Variants in UBR2 observed in about 807,000 individuals in gnomAD.
The protein encoded by UBR2 is E3 ubiquitin-protein ligase UBR2.
In UBR2, 92 loss-of-function variants were observed where a neutral mutation model predicts 247.9. That is an observed-to-expected ratio of 0.37 (90% CI 0.31 to 0.44). UBR2 has a LOEUF of 0.44. UBR2 is among the 20% of genes least tolerant of loss of function. The pLI is 1.00. For missense variants in UBR2, 1,613 were observed against 2,112.6 expected (o/e 0.76, Z 4.64); for synonymous variants, 672 against 693.5 (o/e 0.97, Z 0.49).
chr6:42,601,698 A>G (rs979114779), intron 4 of UBR2, among the ~76,000 whole-genome samples: 1 of 151,124 alleles, frequency 6.6e-6, no homozygotes, highest in Non-Finnish European at 1.5e-5. Context: ...CAAAAAAAAA[A>G]AAAAAAACCT....
At chr6:42,636,664 T>C (rs1041502282) in intron 14 of UBR2, among the ~76,000 whole-genome samples, 4 of 152,124 alleles carry the variant, frequency 2.6e-5, no homozygotes, top group African/African-American at 4.8e-5. Context: ...AGGAATTTAA[T>C]AGAGAGACGC....
chr6:42,575,060 A>G (rs1358744687), intron 2 of UBR2, among the ~76,000 whole-genome samples: 2 of 152,226 alleles, frequency 1.3e-5, no homozygotes, highest in Admixed American at 6.5e-5. Context: ...ACCTACATAC[A>G]TAAATACAGA....
At chr6:42,588,795 G>A (rs1346878098) in intron 2 of UBR2, among the ~76,000 whole-genome samples, 3 of 152,112 alleles carry the variant, frequency 2.0e-5, no homozygotes, top group South Asian at 2.1e-4. Flanking sequence ...GGTCTTTCTG[G>A]TAACTGGCCC....
intron 43 of UBR2, 81 bp from the exon 44 acceptor site, chr6:42,684,713 G>C (rs1799272867): frequency 1.1e-5 from 11 of 991,002 alleles, no homozygotes; most frequent in Middle Eastern, 5.4e-4. Context: ...GGGCTAGGCA[G>C]GTATGTGCAC....
intron 1 of UBR2, among the ~76,000 whole-genome samples, chr6:42,572,070 T>A (rs1185603748): frequency 1.3e-5 from 2 of 152,162 alleles, no homozygotes; most frequent in African/African-American, 4.8e-5. Flanking sequence ...TTTTATTTTT[T>A]TTTCCCTAAC....
chr6:42,682,484 G>A (rs890305453), intron 42 of UBR2, among the ~76,000 whole-genome samples: 6 of 151,684 alleles, frequency 4.0e-5, no homozygotes, highest in Admixed American at 3.9e-4. Flanking sequence ...AGGCTTGAGT[G>A]CACTGGCACA....
rs990085372 is a variant in UBR2 at position 42,637,211 on chromosome 6, A to G, written c.1858+17A>G. On this transcript the variant is annotated intron_variant, in intron 15 of 46. Coordinates refer to ENST00000372901, the MANE Select transcript of UBR2 (RefSeq NM_001363705.2). ...TACTTGCAGGTAAAGCATTTCCCCT[A>G]AAATAAAACCCTAAAATTATCTTTT... The G allele has an allele frequency of 1.2e-6, 2 of 1,600,172 alleles. No individual in the cohort carries two copies. The highest frequency in any genetic ancestry group is 1.1e-5 in the South Asian group (1 of 89,490).
At chr6:42,614,404 G>GTATATATGTACGTACATACATACGCATA (rs372482129) in intron 8 of UBR2, among the ~76,000 whole-genome samples, 1 of 114,684 alleles carries the variant, frequency 8.7e-6, no homozygotes, top group African/African-American at 3.5e-5. Context: ...ACATACATAC[G>GTATATATGTACGTACATACATACGCATA]TATGTATGTA....
At position 42,688,290 on chromosome 6, in the gene UBR2, A is replaced by G; in HGVS notation, c.4928A>G (p.Gln1643Arg). 1 of 1,614,122 alleles carries G rather than the reference A, an allele frequency of 6.2e-7. No homozygotes were observed. The highest frequency in any genetic ancestry group is 8.5e-7 in the Non-Finnish European group (1 of 1,180,030). The stretch of plus-strand genomic sequence containing the variant: ...GTGTGCGGATCTCTGCTGTGCTCCC[A>G]GAGTTACTGCTGCCAGACTGAACTG... ...CLVCGSLLCS[Q>R]SYCCQTELEG... The change falls in exon 45 of 47, where the codon CAG becomes CGG. Residue 1643 changes from glutamine to arginine, a missense_variant. Around this residue, in one of 3 missense-constraint regions of UBR2, gnomAD observed 9 missense variants for 36.8 expected, o/e 0.24. Coordinates refer to ENST00000372901, the MANE Select transcript of UBR2 (RefSeq NM_001363705.2).
chr6:42,611,427 C>CAA (rs1794077418), intron 7 of UBR2, among the ~76,000 whole-genome samples: 1 of 148,194 alleles, frequency 6.7e-6, no homozygotes, highest in South Asian at 2.1e-4. Context: ...TGCTACTGCA[C>CAA]TCCAGCCTGG....
chr6:42,583,494 G>A (rs2181332), intron 2 of UBR2, among the ~76,000 whole-genome samples: 99,444 of 150,860 alleles, frequency 0.66, 32,923 homozygotes, highest in African/African-American at 0.74. Context: ...TGATCCACCC[G>A]CCTAGGCCTT....
In UBR2 at chr6:42,659,546, C is replaced by G. The variant is rs1486801701; in HGVS notation, c.3243-110C>G. On this transcript the variant is annotated intron_variant, in intron 29 of 46. Coordinates refer to ENST00000372901, the MANE Select transcript of UBR2 (RefSeq NM_001363705.2). The surrounding 1 kb of genome is among the most constrained non-coding windows in gnomAD (Gnocchi z 4.3). Reference sequence around the variant, plus strand: ...ACACACACACACACACACACACACACACACACACACACACACTACACACAC... The same window carrying G: ...ACACACACACACACACACACACACAGACACACACACACACACTACACACAC... 1.4e-6 allele frequency: 1 copy of G among 733,172 alleles called. No individual in the cohort carries two copies. The highest frequency in any genetic ancestry group is 1.8e-5 in the African/African-American group (1 of 54,448). 45.4% of individuals were successfully genotyped at this position (733,172 alleles called of 1,614,324 possible). A position where few individuals can be genotyped will look rare whatever the true frequency, so the allele number is the denominator to read the frequency against.
At position 42,684,883 on chromosome 6, in the gene UBR2, T is replaced by C; in HGVS notation, c.4853+12T>C. On this transcript the variant is annotated intron_variant, in intron 44 of 46. Transcript: ENST00000372901. The stretch of plus-strand genomic sequence containing the variant: ...GCATCCAATTTCTCGTAAGTTTTGC[T>C]GTTAGCATTGAACATTCCCTGCCAC... The C allele has an allele frequency of 6.2e-7, 1 of 1,606,676 alleles. No individual in the cohort carries two copies. Among genetic ancestry groups the C allele is most frequent in the East Asian group, 2.2e-5 (1 of 44,728 alleles).
chr6:42,615,549 C>G (rs926880758), intron 9 of UBR2, among the ~76,000 whole-genome samples: 11 of 152,126 alleles, frequency 7.2e-5, no homozygotes, highest in Admixed American at 5.9e-4. Flanking sequence ...CTCTTGGACT[C>G]AAGCAATCCT....
intron 13 of UBR2, 45 bp from the exon 14 acceptor site, chr6:42,635,373 C>A: frequency 1.3e-6 from 2 of 1,568,926 alleles, no homozygotes; most frequent in Non-Finnish European, 1.7e-6. Flanking sequence ...TATAAAAGAA[C>A]AACTATTATT....
intron 1 of UBR2, among the ~76,000 whole-genome samples, chr6:42,568,709 A>G (rs113000506): frequency 0.022 from 3,340 of 152,148 alleles, 117 homozygotes; most frequent in African/African-American, 0.075. Context: ...CAGCCTGGGC[A>G]ACAGAGCGAG....
intron 11 of UBR2, among the ~76,000 whole-genome samples, chr6:42,620,669 G>A (rs993537815): frequency 6.6e-6 from 1 of 151,460 alleles, no homozygotes; most frequent in African/African-American, 2.4e-5. Flanking sequence ...TGGCCAGGCT[G>A]GTCTCAAACT....
intron 2 of UBR2, among the ~76,000 whole-genome samples, chr6:42,586,890 C>T (rs1051932397): frequency 3.5e-5 from 5 of 140,940 alleles, no homozygotes; most frequent in South Asian, 4.4e-4. Flanking sequence ...GGCGCAATCT[C>T]GGCTCACTGC....
chr6:42,614,003 C>G (rs1298702736), intron 8 of UBR2, among the ~76,000 whole-genome samples: 1 of 150,534 alleles, frequency 6.6e-6, no homozygotes, highest in Non-Finnish European at 1.5e-5. Flanking sequence ...GGTGTGAAAC[C>G]CCGTCTGTAC....
Sources: allele counts gnomAD v4.1 joint callset (sites outside exome capture counted in the v4.1 genomes callset), GRCh38; gene constraint gnomAD v4.1.1; regional missense constraint gnomAD v4.1.1; non-coding constraint Gnocchi (gnomAD v3.1); transcripts MANE v1.5; gene names NCBI Gene and HGNC (gene_info 2026-07-23, HGNC 2026-07-21).